MCF2L: variants seen among roughly 807,000 people sequenced by gnomAD.
The protein encoded by MCF2L is MCF.2 cell line derived transforming sequence like, also known as guanine nucleotide exchange factor DBS.
Under a neutral mutation model 153.4 loss-of-function variants are expected in MCF2L, and 97 were observed. That is an observed-to-expected ratio of 0.63 (90% CI 0.54 to 0.75). The LOEUF (loss-of-function observed/expected upper bound fraction) is 0.75, where lower values mean the gene tolerates loss of function less well. MCF2L is among the 30% of genes least tolerant of loss of function. The pLI is 0.00. For missense variants in MCF2L, 1,347 were observed against 1,495.2 expected, an observed-to-expected ratio of 0.90 and a Z score of 1.64; for synonymous variants, 659 against 632.2, an observed-to-expected ratio of 1.04 and a Z score of -0.64.
chr13:112,962,258 C>T (rs1461904564), intron 2 of MCF2L, among the ~76,000 whole-genome samples: 1 of 152,136 alleles, frequency 6.6e-6, no homozygotes, highest in Admixed American at 6.5e-5. Context: ...TGCAGACATG[C>T]TCACACATGT....
intron 2 of MCF2L, among the ~76,000 whole-genome samples, chr13:112,962,966 C>T (rs1205898156): frequency 1.3e-5 from 2 of 152,356 alleles, no homozygotes; most frequent in East Asian, 1.9e-4. Flanking sequence ...GCGGGGTGTG[C>T]TTCCCCTCTC....
At chr13:112,927,890 G>A (rs2081424205) in intron 2 of MCF2L, among the ~76,000 whole-genome samples, 1 of 152,186 alleles carries the variant, frequency 6.6e-6, no homozygotes, top group Non-Finnish European at 1.5e-5. Context: ...AAGAAAACCT[G>A]TCTATCAAAA....
rs142514019 is a variant in MCF2L at position 113,060,175 on chromosome 13, C to T, written c.370-418C>T. ...CAGCAAATTCTCTGGGAGCTCTCCA[C>T]GCGGTGCTGGGATCAGGGCCTGCCC... On this transcript the variant is annotated intron_variant, in intron 4 of 29. Coordinates refer to ENST00000535094, the MANE Select transcript of MCF2L (RefSeq NM_001112732.3). Among the ~76,000 whole-genome samples, 455 of 152,288 alleles carry T rather than the reference C, an allele frequency of 3.0e-3. 1 individual carries two copies. The highest frequency in any genetic ancestry group is 0.01 in the African/African-American group (422 of 41,558).
chr13:112,911,497 G>A (rs1460288055), intron 2 of MCF2L, among the ~76,000 whole-genome samples: 1 of 152,230 alleles, frequency 6.6e-6, no homozygotes, highest in Admixed American at 6.5e-5. Context: ...GATCCTGCCT[G>A]CTGCAGGCTC....
At chr13:113,052,896 C>T (rs926125756) in intron 4 of MCF2L, 2 of 152,116 alleles carry the variant, frequency 1.3e-5, no homozygotes, top group African/African-American at 4.8e-5. Flanking sequence ...CACATATACC[C>T]ACACATACAT....
At chr13:112,979,732 G>A (rs750178663) in intron 1 of MCF2L, 18 of 1,612,162 alleles carry the variant, frequency 1.1e-5, no homozygotes, top group Admixed American at 3.3e-5. Flanking sequence ...AGGAGGCGCC[G>A]GGGAACTGCA....
chr13:112,980,614 G>C lies in MCF2L; in HGVS notation c.79+11156G>C, dbSNP rs192075575. 7.2e-3 allele frequency among the ~76,000 whole-genome samples: 1,099 copies of C among 152,364 alleles called. 12 individuals carry two copies. The highest frequency in any genetic ancestry group is 0.011 in the Non-Finnish European group (750 of 68,028). On this transcript the variant is annotated intron_variant, in intron 1 of 29. Transcript: ENST00000535094. ...GCCAGGAGGGCCACCATGCGCAGGA[G>C]AGCCTCTCAGGCTGCCGCCTTCCCC...
At position 113,028,513 on chromosome 13, in the gene MCF2L, A is replaced by G. The variant is rs936513484; in HGVS notation, c.278+3755A>G. ...TAGATTGCGCATCTGTGAGTCGCAC[A>G]GCCTGGTCTGGCTGAAGGTGGCCGG... On this transcript the variant is annotated intron_variant, in intron 3 of 29. Transcript: ENST00000535094. This position sits in a 1 kb window ranked among gnomAD's most constrained non-coding sequence, Gnocchi z 5.4. Among the ~76,000 whole-genome samples the G allele has an allele frequency of 6.6e-6, 1 of 152,238 alleles. No individual in the cohort carries two copies. The highest frequency in any genetic ancestry group is 1.5e-5 in the Non-Finnish European group (1 of 68,044).
chr13:113,071,574 G>T (rs1041657721), intron 9 of MCF2L, among the ~76,000 whole-genome samples: 1 of 152,186 alleles, frequency 6.6e-6, no homozygotes, highest in African/African-American at 2.4e-5. Context: ...ATTAGATCAT[G>T]ATTTGTTTTA....
intron 1 of MCF2L, among the ~76,000 whole-genome samples, chr13:112,985,785 A>AGGCTGCCCC (rs991193176): frequency 5.9e-5 from 9 of 152,344 alleles, no homozygotes; most frequent in Admixed American, 5.2e-4. Context: ...AGCCTGCACC[A>AGGCTGCCCC]GGCTGCCCCG....
chr13:113,066,347 GCTC>G (rs1471210590), intron 8 of MCF2L, among the ~76,000 whole-genome samples, 177 bp downstream of exon 8: 5 of 152,218 alleles, frequency 3.3e-5, no homozygotes, highest in African/African-American at 1.2e-4. Flanking sequence ...TGTGGGCCTG[GCTC>G]CTCCTGCTGA....
intron 3 of MCF2L, chr13:113,042,942 G>C (rs1387535436): frequency 6.6e-6 from 1 of 152,214 alleles, no homozygotes; most frequent in African/African-American, 2.4e-5. Context: ...TCTATTCCAG[G>C]GAAAAGGGGA....
intron 3 of MCF2L, among the ~76,000 whole-genome samples, chr13:113,034,385 C>T (rs1195910065): frequency 1.3e-5 from 2 of 152,212 alleles, no homozygotes; most frequent in Non-Finnish European, 2.9e-5. Context: ...GATCCACCTG[C>T]CTCAGCTTCC....
rs59884971 is a variant in MCF2L at position 113,055,382 on chromosome 13, CCACACACACACACACA to C, written c.370-5163_370-5148del. Among the ~76,000 whole-genome samples, 12 of 15,244 alleles carry C rather than the reference CCACACACACACACACA, an allele frequency of 7.9e-4. 1 individual carries two copies. The highest frequency in any genetic ancestry group is 2.7e-3 in the African/African-American group (9 of 3,382). 10.0% of individuals were successfully genotyped at this position (15,244 alleles called of 152,430 possible). On this transcript the variant is annotated intron_variant, in intron 4 of 29. Coordinates refer to ENST00000535094, the MANE Select transcript of MCF2L (RefSeq NM_001112732.3). ...CTGGAGACGTGGACCCCCCCCCCCG[CCACACACACACACACA>C]CACACACACACACACACACACACAC...
At chr13:112,950,975 C>T (rs1217557562) in intron 2 of MCF2L, among the ~76,000 whole-genome samples, 2 of 152,134 alleles carry the variant, frequency 1.3e-5, no homozygotes, top group Non-Finnish European at 2.9e-5. Flanking sequence ...TATGTGCAAA[C>T]CACATAGCTG....
chr13:112,949,268 A>C (rs1272561587), intron 2 of MCF2L, among the ~76,000 whole-genome samples: 1 of 152,246 alleles, frequency 6.6e-6, no homozygotes, highest in Non-Finnish European at 1.5e-5. Flanking sequence ...ATAAAGAAAC[A>C]TTCAGGCCCA....
chr13:112,974,431 A>G (rs1017481399), intron 1 of MCF2L, among the ~76,000 whole-genome samples: 7 of 152,096 alleles, frequency 4.6e-5, no homozygotes, highest in African/African-American at 1.2e-4. Context: ...GTTTGCTTGG[A>G]CTTTTGCACC....
chr13:113,033,253 ATTAGTGGACCCCGTGGCG>A lies in MCF2L; in HGVS notation c.278+8497_278+8514del, dbSNP rs1372651148. On this transcript the variant is annotated intron_variant, in intron 3 of 29. Transcript: ENST00000535094. The stretch of plus-strand genomic sequence containing the variant: ...CCGTGACGTGAGTGGCCCCCGTGAC[ATTAGTGGACCCCGTGGCG>A]TGAGTGGCCCCTGTGACATTAGTGG... Among the ~76,000 whole-genome samples, 33 of 9,112 alleles carry A rather than the reference ATTAGTGGACCCCGTGGCG, an allele frequency of 3.6e-3. 1 individual carries two copies. Among genetic ancestry groups the A allele is most frequent in the African/African-American group, 0.013 (31 of 2,416 alleles). The allele number at this position is 9,112 out of a possible 152,430, so 6.0% of individuals were successfully genotyped here. A position where few individuals can be genotyped will look rare whatever the true frequency, so the allele number is the denominator to read the frequency against.
Position 113,086,114 on chromosome 13 carries a change from T to C in MCF2L, c.2248-10T>C, listed in dbSNP as rs1040662563. 3.1e-6 allele frequency: 5 copies of C among 1,602,324 alleles called. No individual in the cohort carries two copies. In the South Asian group the frequency reaches 4.4e-5, roughly 14 times the overall value. On this transcript the variant is annotated splice_polypyrimidine_tract_variant and intron_variant, in intron 20 of 29. Transcript: ENST00000535094. The stretch of plus-strand genomic sequence containing the variant: ...GTCCCGACGCGGTTGCCTCACCCCA[T>C]GCCCCTCAGGAAATGCTGAAATACA...
Sources: gnomAD v4.1 joint callset for allele counts (sites outside exome capture counted in the v4.1 genomes callset) on GRCh38, gnomAD v4.1.1 for gene constraint, Gnocchi (gnomAD v3.1) non-coding constraint, MANE v1.5 for transcripts, NCBI Gene and HGNC (gene_info 2026-07-23, HGNC 2026-07-21) for gene names.